GFRA1: variants seen among roughly 807,000 people sequenced by gnomAD.
GFRA1 encodes GDNF family receptor alpha-1.
Under a neutral mutation model 51.6 loss-of-function variants are expected in GFRA1, and 16 were observed. That is an observed-to-expected ratio of 0.31 (90% CI 0.21 to 0.47). GFRA1 has a LOEUF of 0.47. Ranked by LOEUF, GFRA1 falls within the 20% of genes least tolerant of loss-of-function variation. The pLI is 1.00. For missense variants in GFRA1, 530 were observed against 594.3 expected (o/e 0.89, Z 1.13); for synonymous variants, 270 against 241.3 (o/e 1.12, Z -1.10).
rs1429455241 is a variant in GFRA1 at position 116,207,136 on chromosome 10, T to C, written c.433+4495A>G. Among the ~76,000 whole-genome samples, 4 of 28,676 alleles carry C rather than the reference T, an allele frequency of 1.4e-4. No homozygotes were observed. The African/African-American group carries it at 1.6e-3, about 11-fold the overall frequency. The allele number at this position is 28,676 out of a possible 152,430, so 18.8% of individuals were successfully genotyped here. On this transcript the variant is annotated intron_variant, in intron 5 of 10. Transcript: ENST00000355422. ...TTCTCATCTGTAAAATGTAAAACTG[T>C]AAAACAGTTTCCTCATCTGTAAAAT...
At chr10:116,167,021 A>C (rs1412878740) in intron 5 of GFRA1, among the ~76,000 whole-genome samples, 1 of 151,582 alleles carries the variant, frequency 6.6e-6, no homozygotes, top group Non-Finnish European at 1.5e-5. Context: ...GGATGGTCTC[A>C]ATCTCCTGAC....
chr10:116,086,376 T>C (rs1956100570), intron 9 of GFRA1, among the ~76,000 whole-genome samples: 1 of 152,178 alleles, frequency 6.6e-6, no homozygotes, highest in South Asian at 2.1e-4. Flanking sequence ...TAAAGCACCA[T>C]TCTGGAACGT....
intron 5 of GFRA1, among the ~76,000 whole-genome samples, chr10:116,141,593 G>A (rs1363321170): frequency 6.6e-6 from 1 of 151,766 alleles, no homozygotes; most frequent in Admixed American, 6.6e-5. Flanking sequence ...TTGAGGGGGT[G>A]GTGGGCGGGG....
intron 5 of GFRA1, among the ~76,000 whole-genome samples, chr10:116,172,291 AC>A (rs1328018178): frequency 6.6e-6 from 1 of 151,974 alleles, no homozygotes; most frequent in Non-Finnish European, 1.5e-5. Context: ...ACGTATACCC[AC>A]CCATCCATCT....
chr10:116,219,102 C>T (rs192023202), intron 4 of GFRA1, among the ~76,000 whole-genome samples: 2 of 152,220 alleles, frequency 1.3e-5, no homozygotes, highest in Non-Finnish European at 2.9e-5. Flanking sequence ...TATAACCCAT[C>T]GGCCTGCGCT....
chr10:116,157,441 A>G (rs1959260707), intron 5 of GFRA1, among the ~76,000 whole-genome samples: 2 of 152,198 alleles, frequency 1.3e-5, no homozygotes, highest in African/African-American at 4.8e-5. Flanking sequence ...GGTGACTGGC[A>G]GCTAAAAGCA....
intron 5 of GFRA1, among the ~76,000 whole-genome samples, chr10:116,129,467 A>G (rs1013649761): frequency 6.6e-6 from 1 of 152,194 alleles, no homozygotes; most frequent in African/African-American, 2.4e-5. Context: ...ATAAATTTCA[A>G]TACTCATCCA....
At chr10:116,127,471 T>C (rs1409010190) in intron 5 of GFRA1, among the ~76,000 whole-genome samples, 1 of 152,206 alleles carries the variant, frequency 6.6e-6, no homozygotes, top group African/African-American at 2.4e-5. Context: ...TGTCTTCCTG[T>C]AACATCAGAG....
In GFRA1 at chr10:116,125,245, G is replaced by A. The variant is rs746877191; in HGVS notation, c.746C>T (p.Ser249Phe). 5 of 1,614,038 alleles carry A rather than the reference G, an allele frequency of 3.1e-6. No homozygotes were observed. The highest frequency in any genetic ancestry group is 4.2e-6 in the Non-Finnish European group (5 of 1,180,000). ...EKPNCLNLQD[S>F]CKTNYICRSR... is the part of the protein sequence containing the mutation. ...CCTGCAGATGTAATTCGTCTTGCAG[G>A]AGTCCTGCAAATTCAAACAGTTGGG... is the stretch of plus-strand genomic sequence containing the variant. Residue 249 changes from serine (S) to phenylalanine (F), a missense_variant, in exon 6 of 11, where the codon TCC (serine) becomes TTC (phenylalanine). Transcript: ENST00000355422.
chr10:116,060,591 A>C lies in GFRA1; in HGVS notation c.*3807T>G, dbSNP rs1954761573. ...TGTCACTGTGCCCAGGCCAGTGGTAATTCTCTCCTGCCTGTTGTCATTGCT... is the reference window on the plus strand; with the variant it reads ...TGTCACTGTGCCCAGGCCAGTGGTACTTCTCTCCTGCCTGTTGTCATTGCT... On this transcript the variant is annotated 3_prime_UTR_variant, in exon 11 of 11. Coordinates refer to ENST00000355422, the MANE Select transcript of GFRA1 (RefSeq NM_005264.8). 1.3e-5 allele frequency: 2 copies of C among 152,170 alleles called. No homozygotes were observed. Among genetic ancestry groups the C allele is most frequent in the Admixed American group, 1.3e-4 (2 of 15,272 alleles). The allele number at this position is 152,170 out of a possible 1,614,324, so 9.4% of individuals were successfully genotyped here.
At chr10:116,239,413 T>C (rs1043389774) in intron 4 of GFRA1, among the ~76,000 whole-genome samples, 1 of 152,222 alleles carries the variant, frequency 6.6e-6, no homozygotes, top group Non-Finnish European at 1.5e-5. Flanking sequence ...GGAAGTACAG[T>C]GTCTAAAGGT....
chr10:116,088,716 C>T (rs561696966), intron 9 of GFRA1, among the ~76,000 whole-genome samples: 12 of 151,902 alleles, frequency 7.9e-5, no homozygotes, highest in Non-Finnish European at 1.5e-4. Context: ...GTCGGGAGAT[C>T]GAGACCATCC....
upstream of GFRA1, among the ~76,000 whole-genome samples, chr10:116,274,383 G>C (rs1034117330): frequency 2.6e-5 from 4 of 152,232 alleles, no homozygotes; most frequent in African/African-American, 9.6e-5. Flanking sequence ...CAGACAATGG[G>C]CCGCCGCGGA....
chr10:116,081,940 A>G (rs1175936910), intron 9 of GFRA1, among the ~76,000 whole-genome samples: 1 of 152,234 alleles, frequency 6.6e-6, no homozygotes, highest in African/African-American at 2.4e-5. Flanking sequence ...AGTAGTGTGC[A>G]TATAAATAAG....
chr10:116,173,498 TG>T (rs1244332142), intron 5 of GFRA1, among the ~76,000 whole-genome samples: 1 of 152,230 alleles, frequency 6.6e-6, no homozygotes, highest in African/African-American at 2.4e-5. Flanking sequence ...ACATTGCCTC[TG>T]GCATATGGTA....
rs1954913898 is a variant in GFRA1 at position 116,063,289 on chromosome 10, A to G, written c.*1109T>C. 6.6e-6 allele frequency: 1 copy of G among 152,238 alleles called. No individual in the cohort carries two copies. The highest frequency in any genetic ancestry group is 2.1e-4 in the South Asian group (1 of 4,838). 9.4% of individuals were successfully genotyped at this position (152,238 alleles called of 1,614,324 possible). On this transcript the variant is annotated 3_prime_UTR_variant, in exon 11 of 11. Transcript: ENST00000355422. ...CACAGGTATGCACGCTTGCACTTCG[A>G]GCAATGACAAAAGACAATGCTTGTC...
chr10:116,128,761 G>C (rs1957981845), intron 5 of GFRA1, among the ~76,000 whole-genome samples: 1 of 150,396 alleles, frequency 6.6e-6, no homozygotes, highest in African/African-American at 2.4e-5. Context: ...ATTGGCCTAG[G>C]TTATACCTTC....
intron 3 of GFRA1, among the ~76,000 whole-genome samples, chr10:116,270,358 A>G (rs1843801211): frequency 6.6e-6 from 1 of 152,178 alleles, no homozygotes; most frequent in Non-Finnish European, 1.5e-5. Flanking sequence ...GATACACTGG[A>G]TTCTCCTGGA....
intron 5 of GFRA1, among the ~76,000 whole-genome samples, chr10:116,167,861 T>C (rs1037863538): frequency 1.3e-5 from 2 of 152,124 alleles, no homozygotes; most frequent in Non-Finnish European, 2.9e-5. Flanking sequence ...AGAGTCAGCC[T>C]TCATGTCAAG....
Sources: allele counts gnomAD v4.1 joint callset (sites outside exome capture counted in the v4.1 genomes callset), GRCh38; gene constraint gnomAD v4.1.1; transcripts MANE v1.5; gene names NCBI Gene and HGNC (gene_info 2026-07-23, HGNC 2026-07-21).